Variants in WWOX observed in about 807,000 individuals in gnomAD.
WWOX encodes the protein WW domain-containing oxidoreductase.
WWOX carries 69 observed loss-of-function variants against 46.2 expected under a neutral mutation model. That is an observed-to-expected ratio of 1.49 (90% CI 1.23 to 1.82). The LOEUF (loss-of-function observed/expected upper bound fraction) is 1.82, where lower values mean the gene tolerates loss of function less well. Among genes scored for constraint, WWOX ranks in the 40% most tolerant of loss-of-function variants. The pLI is 0.00. For synonymous variants in WWOX, 359 were observed against 202.6 expected (o/e 1.77, Z -6.56); for missense variants, 919 against 542.6 (o/e 1.69, Z -6.89).
intron 5 of WWOX, among the ~76,000 whole-genome samples, chr16:78,326,579 C>A (rs1200355758): frequency 2.5e-5 from 1 of 39,716 alleles, no homozygotes; most frequent in African/African-American, 8.7e-5. Context: ...CTCCCCCCGC[C>A]CCCCCCCCCC....
intron 8 of WWOX, among the ~76,000 whole-genome samples, chr16:78,615,321 C>A (rs143889549): frequency 6.6e-6 from 1 of 152,060 alleles, no homozygotes; most frequent in Admixed American, 6.6e-5. Context: ...CTCTCCTCTC[C>A]GCGACTCGGT....
At chr16:78,798,066 T>C (rs1360092672) in intron 8 of WWOX, among the ~76,000 whole-genome samples, 1 of 152,164 alleles carries the variant, frequency 6.6e-6, no homozygotes, top group East Asian at 1.9e-4. Flanking sequence ...TCTTCTCCTT[T>C]TGTTTCTGGG....
At chr16:78,713,273 C>CAAAAAA (rs5818165) in intron 8 of WWOX, among the ~76,000 whole-genome samples, 3 of 17,046 alleles carry the variant, frequency 1.8e-4, no homozygotes, top group African/African-American at 4.3e-4. Flanking sequence ...GACTCTGTCT[C>CAAAAAA]AAAAAAAAAA....
intron 6 of WWOX, among the ~76,000 whole-genome samples, chr16:78,420,108 T>C (rs2082887356): frequency 6.6e-6 from 1 of 151,940 alleles, no homozygotes. Context: ...AATAAAAAAG[T>C]CAGATAACAA....
chr16:78,916,845 G>C (rs889305450), intron 8 of WWOX, among the ~76,000 whole-genome samples: 1 of 152,136 alleles, frequency 6.6e-6, no homozygotes, highest in Non-Finnish European at 1.5e-5. Context: ...AAACCCTTTC[G>C]ATAGCAAGTA....
chr16:79,132,889 A>T (rs1416596878), intron 8 of WWOX, among the ~76,000 whole-genome samples: 3 of 152,180 alleles, frequency 2.0e-5, no homozygotes, highest in Non-Finnish European at 4.4e-5. Flanking sequence ...CCACGATTTA[A>T]ACCAGATGGA....
intron 8 of WWOX, among the ~76,000 whole-genome samples, chr16:79,007,340 A>T (rs986415541): frequency 6.6e-6 from 1 of 152,218 alleles, no homozygotes; most frequent in Non-Finnish European, 1.5e-5. Context: ...GAAAGGGCTC[A>T]TGATGTGAAG....
intron 8 of WWOX, among the ~76,000 whole-genome samples, chr16:78,953,285 C>G (rs2046099744): frequency 6.6e-6 from 1 of 150,836 alleles, no homozygotes; most frequent in South Asian, 2.1e-4. Context: ...ACCAATAGCT[C>G]AGGCACAATT....
intron 5 of WWOX, among the ~76,000 whole-genome samples, chr16:78,321,327 CGTATATATGCGTATATATAT>C (rs1567499105): frequency 3.4e-5 from 2 of 58,178 alleles, no homozygotes; most frequent in African/African-American, 1.0e-4. Context: ...TATATATATA[CGTATATATGCGTATATATAT>C]ACGTATATAT....
chr16:78,175,511 C>T (rs75465242), intron 5 of WWOX, among the ~76,000 whole-genome samples: 3,240 of 152,240 alleles, frequency 0.021, 110 homozygotes, highest in African/African-American at 0.074. Context: ...TCTTCTTGCT[C>T]ACTCTCTTGG....
chr16:79,010,140 T>C (rs2047274382), intron 8 of WWOX, among the ~76,000 whole-genome samples: 2 of 152,182 alleles, frequency 1.3e-5, no homozygotes, highest in South Asian at 2.1e-4. Flanking sequence ...CTTCTTGCTT[T>C]TTAAAAATAA....
At chr16:78,776,239 A>C (rs995222402) in intron 8 of WWOX, among the ~76,000 whole-genome samples, 2 of 152,112 alleles carry the variant, frequency 1.3e-5, no homozygotes, top group Non-Finnish European at 2.9e-5. Context: ...GTGGGTGAAC[A>C]ACAGCAGCAC....
At chr16:78,609,504 C>G (rs1293871850) in intron 8 of WWOX, among the ~76,000 whole-genome samples, 1 of 151,396 alleles carries the variant, frequency 6.6e-6, no homozygotes, top group African/African-American at 2.4e-5. Flanking sequence ...CTGGTCAAGT[C>G]ACATGCCTCT....
chr16:78,289,478 T>C (rs1176268748), intron 5 of WWOX, among the ~76,000 whole-genome samples: 1 of 152,088 alleles, frequency 6.6e-6, no homozygotes, highest in East Asian at 1.9e-4. Context: ...AGGAACAGGG[T>C]AGCAACTCTA....
At chr16:78,647,145 C>A (rs139068353) in intron 8 of WWOX, among the ~76,000 whole-genome samples, 1 of 152,192 alleles carries the variant, frequency 6.6e-6, no homozygotes, top group Non-Finnish European at 1.5e-5. Flanking sequence ...CATCCTGGGT[C>A]TAGCTGGGGA....
At chr16:78,612,797 C>T (rs2045931651) in intron 8 of WWOX, among the ~76,000 whole-genome samples, 1 of 152,138 alleles carries the variant, frequency 6.6e-6, no homozygotes, top group Admixed American at 6.5e-5. Flanking sequence ...TTTTCACCTA[C>T]AAAATGAAGG....
intron 8 of WWOX, among the ~76,000 whole-genome samples, chr16:78,923,037 A>G (rs1383236421): frequency 2.8e-5 from 4 of 142,896 alleles, no homozygotes; most frequent in African/African-American, 5.2e-5. Context: ...GCTGGAGTGC[A>G]ATGGCGCAAT....
chr16:78,893,883 T>C (rs2044643841), intron 8 of WWOX, among the ~76,000 whole-genome samples: 1 of 152,152 alleles, frequency 6.6e-6, no homozygotes, highest in African/African-American at 2.4e-5. Flanking sequence ...CACAAGATTT[T>C]CTAGATGCAT....
At position 78,099,853 on chromosome 16, in the gene WWOX, AACC is replaced by A. The variant is rs763124571; in HGVS notation, c.80_82del (p.Thr27del). ...AGCTGCCTCCGGGCTGGGAGGAGAG[AACC>A]ACCAAGGACGGCTGGGTTTACTACG... is the stretch of plus-strand genomic sequence containing the variant. On this transcript the variant is annotated inframe_deletion, in exon 1 of 9. Transcript: ENST00000566780. 10 of 1,580,558 alleles carry A rather than the reference AACC, an allele frequency of 6.3e-6. No individual in the cohort carries two copies. The highest frequency in any genetic ancestry group is 8.6e-6 in the Non-Finnish European group (10 of 1,164,222).
Sources: gnomAD v4.1 joint callset for allele counts (sites outside exome capture counted in the v4.1 genomes callset) on GRCh38, gnomAD v4.1.1 for gene constraint, MANE v1.5 for transcripts, NCBI Gene and HGNC (gene_info 2026-07-23, HGNC 2026-07-21) for gene names.